TBC1D14: variants seen among roughly 807,000 people sequenced by gnomAD.
The protein encoded by TBC1D14 is TBC1 domain family member 14.
TBC1D14 carries 26 observed loss-of-function variants against 79.0 expected under a neutral mutation model. The ratio of observed to expected loss-of-function variants is 0.33; its 90% CI spans 0.24 to 0.46. The LOEUF (loss-of-function observed/expected upper bound fraction) is 0.46. Ranked by LOEUF, TBC1D14 falls within the 20% of genes least tolerant of loss-of-function variation. The probability of loss-of-function intolerance (pLI) is 1.00; values close to 1 mark genes in which losing one functional copy is unlikely to be tolerated. For missense variants in TBC1D14, 769 were observed against 887.6 expected (o/e 0.87, Z 1.70); for synonymous variants, 394 against 349.9 (o/e 1.13, Z -1.40).
At chr4:7,007,183 G>A (rs779460307) in intron 9 of TBC1D14, among the ~76,000 whole-genome samples, 3 of 152,202 alleles carry the variant, frequency 2.0e-5, no homozygotes, top group Non-Finnish European at 2.9e-5. Flanking sequence ...TGGGTGGGTG[G>A]CCAAGCCGGG....
At position 6,937,298 on chromosome 4, in the gene TBC1D14, G is replaced by A. The variant is rs150153689; in HGVS notation, c.722+13187G>A. Among the ~76,000 whole-genome samples, 358 of 152,346 alleles carry A rather than the reference G, an allele frequency of 2.3e-3. 2 individuals carry two copies. The highest frequency in any genetic ancestry group is 7.9e-3 in the African/African-American group (328 of 41,578). ...TTTGTTTCCCACAGTTCTGGAGGTT[G>A]GGAGGCGTAAGATCAAGGTGCCAGC... is the stretch of plus-strand genomic sequence containing the variant. On this transcript the variant is annotated intron_variant, in intron 2 of 13. Coordinates refer to ENST00000409757, the MANE Select transcript of TBC1D14 (RefSeq NM_020773.3).
chr4:6,940,168 A>G (rs142156379), intron 2 of TBC1D14, among the ~76,000 whole-genome samples: 3 of 152,330 alleles, frequency 2.0e-5, no homozygotes, highest in African/African-American at 7.2e-5. Flanking sequence ...ATTACCCGAA[A>G]TGGAAAATTC....
chr4:6,987,412 T>C, intron 3 of TBC1D14: 1 of 1,314,270 alleles, frequency 7.6e-7, no homozygotes. Flanking sequence ...CCCGTGGGCC[T>C]GTCCTGTCCT....
intron 3 of TBC1D14, among the ~76,000 whole-genome samples, chr4:6,987,001 C>T (rs986594792): frequency 1.3e-5 from 2 of 152,252 alleles, no homozygotes; most frequent in African/African-American, 4.8e-5. Flanking sequence ...ATCTTTAAGG[C>T]AGAAGCTGGC....
At chr4:6,913,982 A>AC (rs1723196809) in intron 1 of TBC1D14, among the ~76,000 whole-genome samples, 1 of 151,978 alleles carries the variant, frequency 6.6e-6, no homozygotes, top group African/African-American at 2.4e-5. Flanking sequence ...AACAACAACA[A>AC]AAAATTAGCT....
At chr4:6,921,621 G>C (rs1404111814) in intron 1 of TBC1D14, among the ~76,000 whole-genome samples, 1 of 151,850 alleles carries the variant, frequency 6.6e-6, no homozygotes, top group Non-Finnish European at 1.5e-5. Flanking sequence ...CACCTCCTGG[G>C]TTCAAGTGAT....
intron 2 of TBC1D14, among the ~76,000 whole-genome samples, chr4:6,932,149 T>G (rs1711817877): frequency 6.6e-6 from 1 of 151,938 alleles, no homozygotes; most frequent in African/African-American, 2.4e-5. Context: ...CACCTGAGGT[T>G]GGGAGTTCAA....
chr4:6,957,392 A>G (rs190089940), intron 2 of TBC1D14, among the ~76,000 whole-genome samples: 92 of 152,374 alleles, frequency 6.0e-4, no homozygotes, highest in African/African-American at 2.1e-3. Context: ...CATTTGAACA[A>G]GTAAATATTT....
rs1722940157 is a variant in TBC1D14 at position 7,030,400 on chromosome 4, G to T, written c.*8G>T. The T allele has an allele frequency of 1.2e-6, 2 of 1,613,870 alleles. No individual in the cohort carries two copies. The highest frequency in any genetic ancestry group is 4.5e-5 in the East Asian group (2 of 44,876). ...CCGTCCCTCCGACACTGAGGCTGCAGCGGGAATTCGCACTCGGCACCAATC... is the reference window on the plus strand; with the variant it reads ...CCGTCCCTCCGACACTGAGGCTGCATCGGGAATTCGCACTCGGCACCAATC... On this transcript the variant is annotated 3_prime_UTR_variant, in exon 14 of 14. Transcript: ENST00000409757.
At chr4:6,967,519 G>A in intron 3 of TBC1D14, 95 bp downstream of exon 3, 1 of 1,493,048 alleles carries the variant, frequency 6.7e-7, no homozygotes, top group Non-Finnish European at 9.0e-7. Context: ...GTCTGAAACT[G>A]GAAATCGCTT....
chr4:6,916,320 C>T (rs979976742), intron 1 of TBC1D14, among the ~76,000 whole-genome samples: 2 of 152,060 alleles, frequency 1.3e-5, no homozygotes, highest in African/African-American at 4.8e-5. Flanking sequence ...GGGAGTGCTT[C>T]GTGCTCCAGC....
chr4:6,935,468 A>C (rs557512839), intron 2 of TBC1D14, among the ~76,000 whole-genome samples: 19 of 152,080 alleles, frequency 1.2e-4, no homozygotes, highest in Non-Finnish European at 2.6e-4. Flanking sequence ...GATGGGGCAC[A>C]GGTAGATGGG....
chr4:6,963,887 C>T (rs1715467112), intron 2 of TBC1D14, among the ~76,000 whole-genome samples: 1 of 151,004 alleles, frequency 6.6e-6, no homozygotes, highest in South Asian at 2.1e-4. Flanking sequence ...ACCTCCGTCT[C>T]CCAGGTTCAA....
intron 1 of TBC1D14, among the ~76,000 whole-genome samples, chr4:6,912,710 C>T (rs1038053590): frequency 7.2e-5 from 11 of 152,208 alleles, no homozygotes; most frequent in Non-Finnish European, 1.2e-4. Context: ...AAGAGTAACA[C>T]CAGCCAACAT....
chr4:7,029,553 G>A (rs1435223090), intron 13 of TBC1D14, among the ~76,000 whole-genome samples: 1 of 152,214 alleles, frequency 6.6e-6, no homozygotes, highest in African/African-American at 2.4e-5. Context: ...TAAAAGAAGG[G>A]TGTTGGCCTG....
chr4:6,910,097 T>G (rs1351560685), intron 1 of TBC1D14, 146 bp downstream of exon 1: 5 of 149,688 alleles, frequency 3.3e-5, no homozygotes, highest in African/African-American at 1.2e-4. Context: ...TGGGTGTCCC[T>G]CGCCGCGCGG....
intron 2 of TBC1D14, among the ~76,000 whole-genome samples, chr4:6,955,888 G>A (rs1025699582): frequency 1.3e-5 from 2 of 152,170 alleles, no homozygotes; most frequent in African/African-American, 2.4e-5. Flanking sequence ...TCGCAGCTCT[G>A]TGTTGTTTAG....
chr4:6,945,267 C>T (rs1713318874), intron 2 of TBC1D14, among the ~76,000 whole-genome samples: 1 of 152,070 alleles, frequency 6.6e-6, no homozygotes, highest in Non-Finnish European at 1.5e-5. Context: ...TAGGAATCAG[C>T]ACACAGCCTG....
intron 2 of TBC1D14, among the ~76,000 whole-genome samples, chr4:6,928,343 C>T (rs1724448732): frequency 6.6e-6 from 1 of 152,188 alleles, no homozygotes; most frequent in South Asian, 2.1e-4. Context: ...GAGCCTGTGT[C>T]TGGTTCACCC....
Sources: gnomAD v4.1 joint callset for allele counts (sites outside exome capture counted in the v4.1 genomes callset) on GRCh38, gnomAD v4.1.1 for gene constraint, MANE v1.5 for transcripts, NCBI Gene and HGNC (gene_info 2026-07-23, HGNC 2026-07-21) for gene names.